TMEFF2: variants seen among roughly 807,000 people sequenced by gnomAD.
The protein encoded by TMEFF2 is tomoregulin-2.
A neutral mutation model predicts 53.8 loss-of-function variants in TMEFF2; 28 were observed. That is an observed-to-expected ratio of 0.52 (90% CI 0.39 to 0.71). TMEFF2 has a LOEUF of 0.71. Among genes scored for constraint, TMEFF2 ranks in the 30% least tolerant of loss-of-function variants. The pLI, the probability that TMEFF2 is intolerant of heterozygous loss-of-function variation, is 0.00. For missense variants in TMEFF2, 353 were observed against 455.2 expected, an observed-to-expected ratio of 0.78 and a Z score of 2.04; for synonymous variants, 162 against 166.3, an observed-to-expected ratio of 0.97 and a Z score of 0.20.
intron 7 of TMEFF2, among the ~76,000 whole-genome samples, chr2:191,974,892 G>C (rs961592297): frequency 7.9e-5 from 12 of 152,046 alleles, no homozygotes; most frequent in African/African-American, 2.9e-4. Flanking sequence ...GAATATGGTA[G>C]AGACTTTCAA....
chr2:192,123,123 A>G (rs1391381281), intron 4 of TMEFF2, among the ~76,000 whole-genome samples: 4 of 152,316 alleles, frequency 2.6e-5, no homozygotes, highest in East Asian at 1.9e-4. Context: ...TTACTTTTCA[A>G]CCTTTGGCAA....
rs200916418 is a variant in TMEFF2 at position 192,087,279 on chromosome 2, G to GA, written c.440-29505dup. ...TTAGGAAGTACATGCAACACCTAGT[G>GA]AAAAAAAACAGCCTACAATTTAATT... On this transcript the variant is annotated intron_variant, in intron 4 of 9. Transcript: ENST00000272771. 2.7e-4 allele frequency among the ~76,000 whole-genome samples: 41 copies of GA among 151,474 alleles called. 2 individuals are homozygous for GA. The East Asian group carries it at 7.2e-3, about 26-fold the overall frequency.
chr2:191,999,806 T>G (rs2105836792), intron 5 of TMEFF2, among the ~76,000 whole-genome samples: 1 of 152,080 alleles, frequency 6.6e-6, no homozygotes, highest in African/African-American at 2.4e-5. Flanking sequence ...TATAGATCTC[T>G]CCCCAGAAAT....
Position 192,051,458 on chromosome 2 carries a change from AC to A in TMEFF2, c.536+6220del, listed in dbSNP as rs1281347474. 2.0e-5 allele frequency among the ~76,000 whole-genome samples: 3 copies of A among 152,192 alleles called. No individual in the cohort carries two copies. The East Asian group carries it at 5.8e-4, about 29-fold the overall frequency. The stretch of plus-strand genomic sequence containing the variant: ...CCTTTTTACTTAGTAGAAAAACAAT[AC>A]AAAGATTGCAGTTTCCATTTTAAAT... On this transcript the variant is annotated intron_variant, in intron 5 of 9. Transcript: ENST00000272771.
chr2:192,180,153 T>C (rs1691150746), intron 3 of TMEFF2, among the ~76,000 whole-genome samples: 1 of 151,662 alleles, frequency 6.6e-6, no homozygotes, highest in African/African-American at 2.4e-5. Flanking sequence ...AAAAGAAATA[T>C]ATTTTATATG....
At chr2:192,183,360 C>G (rs1023321678) in intron 3 of TMEFF2, among the ~76,000 whole-genome samples, 2 of 151,952 alleles carry the variant, frequency 1.3e-5, no homozygotes, top group Admixed American at 1.3e-4. Flanking sequence ...AGTCACTTAG[C>G]ACATAACTTT....
intron 7 of TMEFF2, chr2:191,992,812 A>G (rs962642251): frequency 6.6e-6 from 1 of 152,130 alleles, no homozygotes; most frequent in African/African-American, 2.4e-5. Flanking sequence ...TGCTTAGAAT[A>G]TATAGATTTG....
chr2:192,158,927 C>T (rs1690570407), intron 4 of TMEFF2, among the ~76,000 whole-genome samples: 1 of 152,082 alleles, frequency 6.6e-6, no homozygotes, highest in African/African-American at 2.4e-5. Flanking sequence ...CTAAGGTTCT[C>T]CCTATTGACT....
intron 7 of TMEFF2, among the ~76,000 whole-genome samples, chr2:191,988,929 A>T (rs534799281): frequency 6.6e-6 from 1 of 152,356 alleles, no homozygotes; most frequent in South Asian, 2.1e-4. Flanking sequence ...TCTGTGTTTT[A>T]TTAAGTTAAA....
intron 5 of TMEFF2, among the ~76,000 whole-genome samples, chr2:192,007,589 G>A (rs1035767850): frequency 1.3e-5 from 2 of 152,166 alleles, no homozygotes; most frequent in Admixed American, 6.5e-5. Flanking sequence ...CAATGTGGCT[G>A]AACACAACGC....
intron 4 of TMEFF2, among the ~76,000 whole-genome samples, chr2:192,154,655 T>C (rs1473790123): frequency 1.3e-5 from 2 of 152,006 alleles, no homozygotes; most frequent in Non-Finnish European, 2.9e-5. Flanking sequence ...GCTTCCATAA[T>C]GCTTATAGCA....
At chr2:192,081,274 G>A (rs1332839607) in intron 4 of TMEFF2, among the ~76,000 whole-genome samples, 2 of 152,176 alleles carry the variant, frequency 1.3e-5, no homozygotes, top group African/African-American at 4.8e-5. Context: ...AAATTTGTTT[G>A]CAAAGAAGCT....
At chr2:192,047,464 A>G (rs1245374994) in intron 5 of TMEFF2, among the ~76,000 whole-genome samples, 8 of 152,200 alleles carry the variant, frequency 5.3e-5, no homozygotes. Context: ...CTCAGAGAAT[A>G]CAGTGAACTA....
chr2:192,051,284 A>T (rs1354631176), intron 5 of TMEFF2, among the ~76,000 whole-genome samples: 2 of 150,298 alleles, frequency 1.3e-5, no homozygotes, highest in Admixed American at 6.6e-5. Flanking sequence ...CCACACCTAA[A>T]ATTGGTTACC....
intron 5 of TMEFF2, among the ~76,000 whole-genome samples, chr2:192,017,112 G>A (rs190118711): frequency 7.6e-4 from 116 of 152,296 alleles, no homozygotes; most frequent in African/African-American, 2.8e-3. Context: ...AAGAGTTTAT[G>A]CCCAAACACA....
chr2:192,064,938 G>C (rs1000148690), intron 4 of TMEFF2, among the ~76,000 whole-genome samples: 6 of 151,684 alleles, frequency 4.0e-5, no homozygotes, highest in Non-Finnish European at 8.9e-5. Flanking sequence ...GGGATTTTGA[G>C]GTCATCTGTA....
intron 4 of TMEFF2, among the ~76,000 whole-genome samples, chr2:192,095,579 AAAAT>A (rs1688884359): frequency 6.6e-6 from 1 of 152,182 alleles, no homozygotes; most frequent in African/African-American, 2.4e-5. Context: ...ATTTCAAACA[AAAAT>A]AAAGAAACAA....
intron 5 of TMEFF2, among the ~76,000 whole-genome samples, chr2:192,034,401 T>C (rs989704949): frequency 2.6e-5 from 4 of 151,954 alleles, no homozygotes; most frequent in African/African-American, 9.7e-5. Flanking sequence ...TCCCTTCCAC[T>C]CTCCCATCAC....
At chr2:191,953,937 T>C (rs1691976211) in intron 8 of TMEFF2, 100 bp from the exon 9 acceptor site, 1 of 1,023,372 alleles carries the variant, frequency 9.8e-7, no homozygotes, top group Non-Finnish European at 1.3e-6. Flanking sequence ...TCGCCCAGGC[T>C]GGAGTGCAGT....
Sources: allele counts gnomAD v4.1 joint callset (sites outside exome capture counted in the v4.1 genomes callset), GRCh38; gene constraint gnomAD v4.1.1; transcripts MANE v1.5; gene names NCBI Gene and HGNC (gene_info 2026-07-23, HGNC 2026-07-21).